Variants in LDLRAD4 observed in about 807,000 individuals in gnomAD.
LDLRAD4 encodes low density lipoprotein receptor class A domain containing 4, also known as low-density lipoprotein receptor class A domain-containing protein 4.
LDLRAD4 carries 5 observed loss-of-function variants against 17.0 expected under a neutral mutation model. The ratio of observed to expected loss-of-function variants is 0.29; its 90% CI spans 0.15 to 0.62. The LOEUF (loss-of-function observed/expected upper bound fraction) is 0.62, where lower values mean the gene tolerates loss of function less well. Among genes scored for constraint, LDLRAD4 ranks in the 20% least tolerant of loss-of-function variants. The pLI, the probability that LDLRAD4 is intolerant of heterozygous loss-of-function variation, is 0.84. For synonymous variants in LDLRAD4, 168 were observed against 171.8 expected (o/e 0.98, Z 0.17); for missense variants, 340 against 424.7 (o/e 0.80, Z 1.75).
intron 3 of LDLRAD4, among the ~76,000 whole-genome samples, chr18:13,525,750 T>C (rs1601097763): frequency 6.6e-6 from 1 of 152,218 alleles, no homozygotes; most frequent in East Asian, 1.9e-4. Context: ...GAGTGGCACC[T>C]GTAAGTGGAA....
At chr18:13,537,404 C>T (rs553278126) in intron 3 of LDLRAD4, among the ~76,000 whole-genome samples, 1 of 152,256 alleles carries the variant, frequency 6.6e-6, no homozygotes, top group East Asian at 1.9e-4. Flanking sequence ...TGAAACTGTT[C>T]TACCTCAGAT....
chr18:13,590,338 AGT>A (rs10526136), intron 3 of LDLRAD4, among the ~76,000 whole-genome samples: 62,042 of 145,706 alleles, frequency 0.43, 13,034 homozygotes, highest in African/African-American at 0.46. Flanking sequence ...GTGGGGGGTA[AGT>A]GTGTGTGTGT....
rs558991993 is a variant in LDLRAD4 at position 13,554,892 on chromosome 18, TGGTAGAG to T, written c.182-66224_182-66218del. Among the ~76,000 whole-genome samples, 4 of 152,268 alleles carry T rather than the reference TGGTAGAG, an allele frequency of 2.6e-5. No homozygotes were observed. In the South Asian group the frequency reaches 8.3e-4, roughly 32 times the overall value. ...ATGAAAGGAGGAAAGAGCAGCTGTA[TGGTAGAG>T]AAACCTGACAAACACTCCAGGTGAT... On this transcript the variant is annotated intron_variant, in intron 3 of 5. Coordinates refer to ENST00000359446, the Ensembl canonical transcript of LDLRAD4.
chr18:13,442,255 G>A (rs2146230379), intron 3 of LDLRAD4, among the ~76,000 whole-genome samples: 1 of 152,322 alleles, frequency 6.6e-6, no homozygotes, highest in Non-Finnish European at 1.5e-5. Context: ...TGAGAGTGGG[G>A]AGGCGAATTC....
intron 2 of LDLRAD4, among the ~76,000 whole-genome samples, chr18:13,409,770 CATA>C (rs2088148416): frequency 6.6e-6 from 1 of 152,124 alleles, no homozygotes; most frequent in Non-Finnish European, 1.5e-5. Flanking sequence ...ATCAGAACAT[CATA>C]ATAATGATGC....
chr18:13,389,747 A>C (rs1379963041), intron 2 of LDLRAD4, among the ~76,000 whole-genome samples: 2 of 151,588 alleles, frequency 1.3e-5, no homozygotes, highest in African/African-American at 4.8e-5. Flanking sequence ...CGCCATCCTC[A>C]CACTCTGGGG....
At chr18:13,401,728 G>T (rs763559220) in intron 2 of LDLRAD4, among the ~76,000 whole-genome samples, 1 of 152,232 alleles carries the variant, frequency 6.6e-6, no homozygotes, top group Non-Finnish European at 1.5e-5. Context: ...GACACGTGGA[G>T]AATGGGGTCT....
At chr18:13,241,216 T>C (rs4796973) in intron 1 of LDLRAD4, 135,053 of 152,414 alleles carry the variant, frequency 0.89, 59,942 homozygotes, top group East Asian at 0.95. Flanking sequence ...CATGAGCCAC[T>C]GCGCCAGGCC....
At chr18:13,291,623 C>T (rs1273676070) in intron 1 of LDLRAD4, among the ~76,000 whole-genome samples, 6 of 152,122 alleles carry the variant, frequency 3.9e-5, no homozygotes, top group African/African-American at 9.7e-5. Context: ...TGAATCCCAG[C>T]TGAGTTACCC....
exon 6 of LDLRAD4, chr18:13,649,872 T>A (rs773839871): frequency 5.0e-5 from 20 of 396,080 alleles, no homozygotes; most frequent in Non-Finnish European, 8.4e-5. Flanking sequence ...CCCTTTGCTC[T>A]CCTGCTCACA....
intron 3 of LDLRAD4, among the ~76,000 whole-genome samples, chr18:13,509,663 G>T (rs1273159813): frequency 6.6e-6 from 1 of 152,222 alleles, no homozygotes; most frequent in Non-Finnish European, 1.5e-5. Context: ...TGAGAGGATT[G>T]ACTTCAATTT....
chr18:13,481,635 C>T (rs1377448702), intron 3 of LDLRAD4, among the ~76,000 whole-genome samples: 1 of 152,158 alleles, frequency 6.6e-6, no homozygotes, highest in East Asian at 1.9e-4. Flanking sequence ...CAGCAGTGTT[C>T]TCTCGCTGGA....
chr18:13,235,821 C>T (rs1421375176), intron 1 of LDLRAD4, among the ~76,000 whole-genome samples: 1 of 152,168 alleles, frequency 6.6e-6, no homozygotes, highest in Non-Finnish European at 1.5e-5. Context: ...GGGTGCTGAT[C>T]CTTGCCTCCG....
intron 4 of LDLRAD4, among the ~76,000 whole-genome samples, chr18:13,627,370 T>C (rs1172160065): frequency 6.6e-6 from 1 of 152,194 alleles, no homozygotes; most frequent in Non-Finnish European, 1.5e-5. Context: ...GCTGGGGCTG[T>C]GAGGTGGCTG....
chr18:13,267,001 G>A (rs543523298), intron 1 of LDLRAD4, among the ~76,000 whole-genome samples: 4 of 152,312 alleles, frequency 2.6e-5, no homozygotes, highest in Admixed American at 6.5e-5. Flanking sequence ...CTGAGTTCAC[G>A]CCTAGGTCTT....
chr18:13,422,340 A>C (rs943251938), intron 2 of LDLRAD4, among the ~76,000 whole-genome samples: 1 of 152,214 alleles, frequency 6.6e-6, no homozygotes, highest in African/African-American at 2.4e-5. Context: ...GTCTAGCCTA[A>C]ATAAGGCTTA....
At chr18:13,391,164 A>C (rs2086246702) in intron 2 of LDLRAD4, among the ~76,000 whole-genome samples, 1 of 152,168 alleles carries the variant, frequency 6.6e-6, no homozygotes, top group Non-Finnish European at 1.5e-5. Context: ...CTAGGCTTTA[A>C]ATTTTGTTTT....
chr18:13,348,568 G>A (rs148158356), intron 1 of LDLRAD4, among the ~76,000 whole-genome samples: 48 of 152,260 alleles, frequency 3.2e-4, no homozygotes, highest in Admixed American at 9.2e-4. Flanking sequence ...CTCAAGCGGC[G>A]TGCTGGGAGA....
At chr18:13,404,612 A>G (rs1213684456) in intron 2 of LDLRAD4, among the ~76,000 whole-genome samples, 2 of 152,254 alleles carry the variant, frequency 1.3e-5, no homozygotes, top group South Asian at 2.1e-4. Context: ...CCTGGCTTAC[A>G]TGGTGAAACC....
Sources: allele counts gnomAD v4.1 joint callset (sites outside exome capture counted in the v4.1 genomes callset), GRCh38; gene constraint gnomAD v4.1.1; transcripts MANE v1.5; gene names NCBI Gene and HGNC (gene_info 2026-07-23, HGNC 2026-07-21).